The following SMG7 variants were observed in gnomAD, a reference collection of about 807,000 sequenced individuals.
SMG7 encodes the protein nonsense-mediated mRNA decay factor SMG7.
A neutral mutation model predicts 148.2 loss-of-function variants in SMG7; 34 were observed. The observed-to-expected ratio is 0.23, with a 90% CI of 0.17 to 0.31. SMG7 has a LOEUF of 0.31. Among genes scored for constraint, SMG7 ranks in the 10% least tolerant of loss-of-function variants. The probability of loss-of-function intolerance (pLI) is 1.00; values close to 1 mark genes in which losing one functional copy is unlikely to be tolerated. For synonymous variants in SMG7, 492 were observed against 515.1 expected (o/e 0.96, Z 0.61); for missense variants, 1,114 against 1,408.4 (o/e 0.79, Z 3.35).
In SMG7 at chr1:183,498,302, G is replaced by A. The variant is rs536300290; in HGVS notation, c.30-14535G>A. On this transcript the variant is annotated intron_variant, in intron 1 of 22. Coordinates refer to ENST00000688051, the MANE Select transcript of SMG7 (RefSeq NM_001375584.1). Reference sequence around the variant, plus strand: ...TCCCAGCACTTTGGGAGGCCGAGGCGGGAAGATCTTGAGCCTAGGAGTTCA... The same window carrying A: ...TCCCAGCACTTTGGGAGGCCGAGGCAGGAAGATCTTGAGCCTAGGAGTTCA... Among the ~76,000 whole-genome samples, 12 of 152,182 alleles carry A rather than the reference G, an allele frequency of 7.9e-5. No individual in the cohort carries two copies. In the South Asian group the frequency reaches 1.7e-3, roughly 21 times the overall value.
intron 8 of SMG7, among the ~76,000 whole-genome samples, chr1:183,531,306 A>T (rs1262911543): frequency 3.3e-5 from 5 of 152,088 alleles, no homozygotes; most frequent in African/African-American, 7.2e-5. Context: ...GGGAATTGAG[A>T]TGTAATACAT....
intron 1 of SMG7, among the ~76,000 whole-genome samples, chr1:183,486,338 T>C (rs1295888592): frequency 6.6e-6 from 1 of 152,246 alleles, no homozygotes; most frequent in Admixed American, 6.5e-5. Context: ...AGTACTATTC[T>C]TCATTGTTAC....
intron 1 of SMG7, among the ~76,000 whole-genome samples, chr1:183,498,597 T>A (rs1403913327): frequency 6.6e-6 from 1 of 152,250 alleles, no homozygotes; most frequent in Admixed American, 6.5e-5. Context: ...TCTTGTTTTC[T>A]TTTTCCTTTA....
Position 183,537,145 on chromosome 1 carries a change from C to T in SMG7, c.1164C>T (p.Tyr388=), listed in dbSNP as rs779260928. The T allele has an allele frequency of 1.9e-6, 3 of 1,609,656 alleles. No individual in the cohort carries two copies. Among genetic ancestry groups the T allele is most frequent in the Non-Finnish European group, 2.6e-6 (3 of 1,176,110 alleles). ...TCTGAACTCTTTCTTTAATTTACAG[C>T]ATTTGGCCCTGGTTGATTTCTCTTC... is the stretch of plus-strand genomic sequence containing the variant. The part of the protein sequence containing the change: ...FQEAVVDERQ[Y]IWPWLISLLN... The change falls in exon 11 of 23, where the codon TAC becomes TAT. Residue 388 remains tyrosine, a splice_region_variant and synonymous_variant. Coordinates refer to ENST00000688051, the MANE Select transcript of SMG7 (RefSeq NM_001375584.1).
intron 1 of SMG7, among the ~76,000 whole-genome samples, chr1:183,487,346 C>G (rs1655718562): frequency 6.6e-6 from 1 of 152,174 alleles, no homozygotes; most frequent in African/African-American, 2.4e-5. Context: ...ACTCTCCTGC[C>G]TCTCTTTCAC....
rs74347694 is a variant in SMG7 at position 183,541,410 on chromosome 1, A to G, written c.1415+307A>G. On this transcript the variant is annotated intron_variant, in intron 13 of 22. Coordinates refer to ENST00000688051, the MANE Select transcript of SMG7 (RefSeq NM_001375584.1). ...ATCTCTGTAAATCTAACTGAACTGTACTTTCACAGTCATGGTAATTTGTAT... is the reference window on the plus strand; with the variant it reads ...ATCTCTGTAAATCTAACTGAACTGTGCTTTCACAGTCATGGTAATTTGTAT... Among the ~76,000 whole-genome samples the G allele has an allele frequency of 1.4e-4, 22 of 152,332 alleles. No individual in the cohort carries two copies. In the East Asian group the frequency reaches 4.2e-3, roughly 29 times the overall value.
At chr1:183,494,625 T>C in intron 1 of SMG7, among the ~76,000 whole-genome samples, 1 of 151,472 alleles carries the variant, frequency 6.6e-6, no homozygotes, top group Non-Finnish European at 1.5e-5. Context: ...TTTTTTCACC[T>C]TTGGTTTTAA....
chr1:183,549,686 A>T, intron 19 of SMG7, 78 bp from the exon 20 acceptor site: 1 of 1,143,912 alleles, frequency 8.7e-7, no homozygotes, highest in Non-Finnish European at 1.3e-6. Flanking sequence ...TGTACCAAGC[A>T]TCCATGAACA....
rs1571870556 is a variant in SMG7 at position 183,502,772 on chromosome 1, G to A, written c.30-10065G>A. Among the ~76,000 whole-genome samples the A allele has an allele frequency of 7.2e-5, 11 of 152,308 alleles. No individual in the cohort carries two copies. In the South Asian group the frequency reaches 2.3e-3, roughly 32 times the overall value. On this transcript the variant is annotated intron_variant, in intron 1 of 22. Coordinates refer to ENST00000688051, the MANE Select transcript of SMG7 (RefSeq NM_001375584.1). ...TTTACATACTTAGTAAATCATGTGA[G>A]TGCAGGTAACATCAGCTTGCAGTTC... is the stretch of plus-strand genomic sequence containing the variant.
At chr1:183,547,044 A>G (rs1670048146) in intron 17 of SMG7, 59 bp from the exon 18 acceptor site, 6 of 1,474,432 alleles carry the variant, frequency 4.1e-6, no homozygotes, top group Non-Finnish European at 5.5e-6. Context: ...TTATGCTACT[A>G]TTCCTTTATG....
rs530481509 is a variant in SMG7 at position 183,488,840 on chromosome 1, T to C, written c.29+16191T>C. 2.0e-5 allele frequency among the ~76,000 whole-genome samples: 3 copies of C among 152,020 alleles called. No individual in the cohort carries two copies. The East Asian group carries it at 5.8e-4, about 29-fold the overall frequency. Reference sequence around the variant, plus strand: ...CTGGGATTACAGGCACCCACCACCATGTCCAGCTAATTTTTGTGTTTTTAG... The same window carrying C: ...CTGGGATTACAGGCACCCACCACCACGTCCAGCTAATTTTTGTGTTTTTAG... On this transcript the variant is annotated intron_variant, in intron 1 of 22. Transcript: ENST00000688051.
At chr1:183,488,683 T>C (rs866636699) in intron 1 of SMG7, among the ~76,000 whole-genome samples, 134 of 13,434 alleles carry the variant, frequency 1.0e-2, no homozygotes, top group African/African-American at 0.027. Context: ...TTTATAAGGC[T>C]TTTTTTTTTT....
At chr1:183,533,485 T>C (rs1426339341) in intron 9 of SMG7, among the ~76,000 whole-genome samples, 159 bp downstream of exon 9, 2 of 152,240 alleles carry the variant, frequency 1.3e-5, no homozygotes, top group African/African-American at 4.8e-5. Flanking sequence ...TTCTATCCTT[T>C]TATCTGCTGA....
intron 12 of SMG7, 41 bp from the exon 13 acceptor site, chr1:183,540,943 A>C (rs771237458): frequency 6.2e-7 from 1 of 1,602,750 alleles, no homozygotes; most frequent in Non-Finnish European, 8.5e-7. Context: ...AAATATCTTT[A>C]GCAATTTAAT....
chr1:183,509,758 T>C (rs1206121159), intron 1 of SMG7, among the ~76,000 whole-genome samples: 1 of 152,204 alleles, frequency 6.6e-6, no homozygotes, highest in Non-Finnish European at 1.5e-5. Context: ...TATTTTAACT[T>C]TTATGTCAGT....
chr1:183,479,455 A>G (rs1294844849), intron 1 of SMG7, among the ~76,000 whole-genome samples: 2 of 152,132 alleles, frequency 1.3e-5, no homozygotes, highest in African/African-American at 4.8e-5. Context: ...CCAGTTGAGA[A>G]CCACTGATTT....
chr1:183,504,739 T>G (rs1660519262), intron 1 of SMG7, among the ~76,000 whole-genome samples: 1 of 152,204 alleles, frequency 6.6e-6, no homozygotes, highest in South Asian at 2.1e-4. Flanking sequence ...ATCCCAAATA[T>G]TTACCATTCT....
At position 183,550,036 on chromosome 1, in the gene SMG7, TTTTG is replaced by T. The variant is rs766795763; in HGVS notation, c.3133+125_3133+128del. 342 of 777,748 alleles carry T rather than the reference TTTTG, an allele frequency of 4.4e-4. 2 individuals carry two copies. The highest frequency in any genetic ancestry group is 1.4e-3 in the East Asian group (52 of 36,316). 48.2% of individuals were successfully genotyped at this position (777,748 alleles called of 1,614,324 possible). On this transcript the variant is annotated intron_variant, in intron 20 of 22. Transcript: ENST00000688051. Reference sequence around the variant, plus strand: ...TATCATTTGTTGGGTTATTTTTATTTTTTGTTTGTTTGTTTTTGTAACTTCTGAA... The same window carrying T: ...TATCATTTGTTGGGTTATTTTTATTTTTTGTTTGTTTTTGTAACTTCTGAA...
At chr1:183,531,989 C>G (rs1422891755) in intron 8 of SMG7, among the ~76,000 whole-genome samples, 1 of 152,058 alleles carries the variant, frequency 6.6e-6, no homozygotes, top group Non-Finnish European at 1.5e-5. Flanking sequence ...GCTAATCATT[C>G]TAGACATATA....
Sources: gnomAD v4.1 joint callset for allele counts (sites outside exome capture counted in the v4.1 genomes callset) on GRCh38, gnomAD v4.1.1 for gene constraint, MANE v1.5 for transcripts, NCBI Gene and HGNC (gene_info 2026-07-23, HGNC 2026-07-21) for gene names.